ITLN2: variants seen among roughly 807,000 people sequenced by gnomAD.
ITLN2 encodes intelectin-2.
Under a neutral mutation model 39.4 loss-of-function variants are expected in ITLN2, and 29 were observed. The observed-to-expected ratio is 0.74, with a 90% confidence interval of 0.55 to 1.00. The LOEUF (loss-of-function observed/expected upper bound fraction) is 1.00. Ranked by LOEUF, ITLN2 falls within the 50% of genes least tolerant of loss-of-function variation. The pLI is 0.00. For missense variants in ITLN2, 412 were observed against 416.7 expected (o/e 0.99, Z 0.10); for synonymous variants, 156 against 153.4 (o/e 1.02, Z -0.12).
rs145856391 is a variant in ITLN2 at position 160,954,400 on chromosome 1, A to G, written c.66T>C (p.Ser22=). Residue 22 remains serine, a synonymous_variant, in exon 2 of 8, where the codon AGT becomes AGC. Coordinates refer to ENST00000368029, the MANE Select transcript of ITLN2 (RefSeq NM_080878.3). ...GAAGCCATTTACCTGCACTGCACCC[A>G]CTGGTGGCCACAGAGAAGAATAACA... is the stretch of plus-strand genomic sequence containing the variant. ...CFLLFFSVAT[S]GCSAAAASSL... 6.5e-5 allele frequency: 102 copies of G among 1,575,330 alleles called. No individual in the cohort carries two copies. In the African/African-American group the frequency reaches 1.2e-3, roughly 18 times the overall value.
rs1671818914 is a variant in ITLN2, at chr1:160,954,456, GA to G, written c.16-7del. On this transcript the variant is annotated splice_polypyrimidine_tract_variant and splice_region_variant and intron_variant, in intron 1 of 7. Transcript: ENST00000368029. ...CAGAGTCTGGTCATTGTCCTCTAAGGAAAAACAAGATGCACAAGGTCACTGG... is the reference window on the plus strand; with the variant it reads ...CAGAGTCTGGTCATTGTCCTCTAAGGAAAACAAGATGCACAAGGTCACTGG... 2 of 1,574,722 alleles carry G rather than the reference GA, an allele frequency of 1.3e-6. No individual in the cohort carries two copies. The highest frequency in any genetic ancestry group is 1.7e-6 in the Non-Finnish European group (2 of 1,157,966).
intron 6 of ITLN2, 95 bp downstream of exon 6, chr1:160,949,951 G>T: frequency 8.5e-7 from 1 of 1,170,414 alleles, no homozygotes; most frequent in Non-Finnish European, 1.2e-6. Flanking sequence ...TAAGTGCTCA[G>T]TAAATACTAG....
At chr1:160,953,017 C>T (rs1405880731) in intron 2 of ITLN2, among the ~76,000 whole-genome samples, 3 of 152,174 alleles carry the variant, frequency 2.0e-5, no homozygotes, top group Non-Finnish European at 4.4e-5. Context: ...AAGGAAGGAG[C>T]ACATGGAAAG....
intron 2 of ITLN2, among the ~76,000 whole-genome samples, chr1:160,953,326 T>G (rs749849026): frequency 6.6e-6 from 1 of 152,098 alleles, no homozygotes; most frequent in African/African-American, 2.4e-5. Context: ...GCTGAAAAAT[T>G]AACAGAGGCC....
chr1:160,952,796 A>G (rs1671775383), intron 2 of ITLN2, 63 bp from the exon 3 acceptor site: 3 of 1,191,254 alleles, frequency 2.5e-6, no homozygotes, highest in South Asian at 2.5e-5. Context: ...TTCCTGGCCA[A>G]TCTCTGCCCC....
In ITLN2 at chr1:160,950,563, CCAAA is replaced by C; in HGVS notation, c.586_589del (p.Phe196AlafsTer8). On this transcript the variant is annotated frameshift_variant, in exon 5 of 8. Transcript: ENST00000368029. LOFTEE classifies it high-confidence loss of function. Reference sequence around the variant, plus strand: ...AGCAGCCCTGTGTACCTGGTAGATGCCAAACAGATTATGTCCCAGTCTCTGGAGG... The same window carrying C: ...AGCAGCCCTGTGTACCTGGTAGATGCCAGATTATGTCCCAGTCTCTGGAGG... 4 of 1,613,894 alleles carry C rather than the reference CCAAA, an allele frequency of 2.5e-6. No individual in the cohort carries two copies. The highest frequency in any genetic ancestry group is 3.4e-6 in the Non-Finnish European group (4 of 1,179,832).
chr1:160,949,779 T>C (rs756275122), intron 6 of ITLN2: 125 of 374,696 alleles, frequency 3.3e-4, no homozygotes, highest in Non-Finnish European at 4.6e-4. Context: ...GATCTCTTTT[T>C]CTTTTCCCCA....
chr1:160,949,996 C>T, intron 6 of ITLN2, 50 bp downstream of exon 6: 1 of 1,558,554 alleles, frequency 6.4e-7, no homozygotes, highest in Non-Finnish European at 8.8e-7. Context: ...CACCATTCTC[C>T]AAGAGTACAA....
intron 7 of ITLN2, among the ~76,000 whole-genome samples, chr1:160,945,837 A>G (rs185470355): frequency 5.3e-5 from 8 of 152,164 alleles, no homozygotes; most frequent in African/African-American, 1.9e-4. Context: ...CACCACTACA[A>G]CTGTGGTGCT....
intron 3 of ITLN2, 131 bp from the exon 4 acceptor site, chr1:160,951,421 T>C (rs1671742893): frequency 8.1e-7 from 1 of 1,228,928 alleles, no homozygotes; most frequent in African/African-American, 1.5e-5. Flanking sequence ...TGGAAGACGA[T>C]GCTCCATGCA....
chr1:160,952,075 G>A (rs1309340989), intron 3 of ITLN2, among the ~76,000 whole-genome samples: 1 of 152,212 alleles, frequency 6.6e-6, no homozygotes, highest in Non-Finnish European at 1.5e-5. Flanking sequence ...TTTCTGTGCT[G>A]TCTTGTGGGG....
intron 6 of ITLN2, 195 bp downstream of exon 6, chr1:160,949,851 G>T (rs1671698427): frequency 3.6e-6 from 2 of 559,506 alleles, no homozygotes. Context: ...GTGAAATGGG[G>T]ATAACAGCAA....
intron 6 of ITLN2, chr1:160,949,370 T>C (rs1433576306): frequency 6.6e-6 from 1 of 152,476 alleles, no homozygotes; most frequent in Non-Finnish European, 1.5e-5. Context: ...CACAGACCCT[T>C]TGTGGGTGTC....
At chr1:160,952,848 G>A in intron 2 of ITLN2, 115 bp from the exon 3 acceptor site, 1 of 728,632 alleles carries the variant, frequency 1.4e-6, no homozygotes, top group Admixed American at 2.2e-5. Context: ...CAGGAGGTCA[G>A]GGATTCCCTA....
At chr1:160,954,169 C>T (rs1671811900) in intron 2 of ITLN2, among the ~76,000 whole-genome samples, 1 of 152,110 alleles carries the variant, frequency 6.6e-6, no homozygotes, top group South Asian at 2.1e-4. Context: ...AATACCTGAG[C>T]TAACACCCTG....
chr1:160,947,623 GT>G (rs1671636373), intron 7 of ITLN2, among the ~76,000 whole-genome samples: 1 of 152,190 alleles, frequency 6.6e-6, no homozygotes, highest in Non-Finnish European at 1.5e-5. Flanking sequence ...TGTGTCCCTG[GT>G]TTATCAAGAA....
At chr1:160,950,958 C>G in intron 4 of ITLN2, 85 bp downstream of exon 4, 1 of 1,609,422 alleles carries the variant, frequency 6.2e-7, no homozygotes, top group Middle Eastern at 1.7e-4. Flanking sequence ...CATATCCCCA[C>G]CTTCCAGCCC....
chr1:160,953,430 G>A (rs1203348840), intron 2 of ITLN2, among the ~76,000 whole-genome samples: 4 of 152,126 alleles, frequency 2.6e-5, no homozygotes, highest in Admixed American at 2.0e-4. Flanking sequence ...ACAGGACTCA[G>A]GCCAGGCACA....
At chr1:160,946,776 A>G (rs1020040895) in intron 7 of ITLN2, among the ~76,000 whole-genome samples, 1 of 152,108 alleles carries the variant, frequency 6.6e-6, no homozygotes, top group Non-Finnish European at 1.5e-5. Flanking sequence ...AAAATAAATT[A>G]TATTCATAAG....
Sources: allele counts gnomAD v4.1 joint callset (sites outside exome capture counted in the v4.1 genomes callset), GRCh38; gene constraint gnomAD v4.1.1; transcripts MANE v1.5; gene names NCBI Gene and HGNC (gene_info 2026-07-23, HGNC 2026-07-21).